ABCA9: variants seen among roughly 807,000 people sequenced by gnomAD.
ABCA9 encodes ATP-binding cassette sub-family A member 9.
ABCA9 carries 183 observed loss-of-function variants against 205.3 expected under a neutral mutation model. The ratio of observed to expected loss-of-function variants is 0.89; its 90% CI spans 0.79 to 1.01. ABCA9 has a LOEUF of 1.01. Among genes scored for constraint, ABCA9 ranks in the 50% least tolerant of loss-of-function variants. ABCA9 has a pLI of 0.00. For missense variants in ABCA9, 1,805 were observed against 1,912.4 expected (o/e 0.94, Z 1.05); for synonymous variants, 651 against 683.3 (o/e 0.95, Z 0.74).
At chr17:69,016,105 T>C (rs1305400308) in intron 22 of ABCA9, 148 bp downstream of exon 22, 1 of 157,126 alleles carries the variant, frequency 6.4e-6, no homozygotes, top group Admixed American at 1.1e-4. Context: ...TGTGTGTGTA[T>C]ATATATATAT....
chr17:69,042,509 A>G (rs2071577968), intron 6 of ABCA9: 1 of 152,224 alleles, frequency 6.6e-6, no homozygotes, highest in Non-Finnish European at 1.5e-5. Flanking sequence ...CTTTTTGCTC[A>G]GTGTCATAAA....
intron 25 of ABCA9, among the ~76,000 whole-genome samples, chr17:69,005,638 C>T (rs536451482): frequency 3.9e-5 from 6 of 152,316 alleles, no homozygotes; most frequent in Admixed American, 2.0e-4. Context: ...ATTTCCACTT[C>T]GGTTTTCTTT....
At position 68,975,918 on chromosome 17, in the gene ABCA9, A is replaced by C; in HGVS notation, c.4872T>G (p.Pro1624=). ...AAGATATAGGGTATTTGGAGCTTTA[A>C]GGCTCTTCCTGCAGGAGGAGTTTCC... The part of the protein sequence containing the change: ...VKWKLLLQEE[P] The change falls in exon 39 of 39, where the codon CCT becomes CCG. Residue 1624 remains proline, a synonymous_variant. Coordinates refer to ENST00000340001, the MANE Select transcript of ABCA9 (RefSeq NM_080283.4). 1 of 1,610,526 alleles carries C rather than the reference A, an allele frequency of 6.2e-7. No individual in the cohort carries two copies. Among genetic ancestry groups the C allele is most frequent in the Non-Finnish European group, 8.5e-7 (1 of 1,177,798 alleles).
chr17:69,035,112 TC>T (rs2071288167), intron 8 of ABCA9, 133 bp downstream of exon 8: 2 of 722,848 alleles, frequency 2.8e-6, no homozygotes, highest in Non-Finnish European at 4.0e-6. Context: ...AAAATTAAAG[TC>T]ACTCCTGTCT....
At chr17:69,016,450 T>TG in intron 21 of ABCA9, 60 bp from the exon 22 acceptor site, 1 of 1,445,358 alleles carries the variant, frequency 6.9e-7, no homozygotes, top group South Asian at 1.5e-5. Flanking sequence ...ATTTAATGAG[T>TG]GAACATGTTA....
chr17:69,049,525 G>A lies in ABCA9; in HGVS notation c.97-35C>T, dbSNP rs573421750. 9.2e-4 allele frequency: 1,399 copies of A among 1,517,972 alleles called. 18 individuals are homozygous for A. The South Asian group carries it at 0.015, about 16-fold the overall frequency. The allele number at this position is 1,517,972 out of a possible 1,614,324, so 94.0% of individuals were successfully genotyped here. Reference sequence around the variant, plus strand: ...AATAAGAGAAAAAGGAAACAAACTGGTAGATGTTATACCACAGATCAATCA... The same window carrying A: ...AATAAGAGAAAAAGGAAACAAACTGATAGATGTTATACCACAGATCAATCA... On this transcript the variant is annotated intron_variant, in intron 2 of 38. Coordinates refer to ENST00000340001, the MANE Select transcript of ABCA9 (RefSeq NM_080283.4).
intron 12 of ABCA9, among the ~76,000 whole-genome samples, 194 bp downstream of exon 12, chr17:69,028,341 A>G (rs999589120): frequency 1.3e-5 from 2 of 151,974 alleles, no homozygotes; most frequent in African/African-American, 2.4e-5. Context: ...TAATTTTTAT[A>G]TTTTTAGTAG....
At chr17:69,039,331 A>G (rs1309883435) in intron 6 of ABCA9, among the ~76,000 whole-genome samples, 1 of 152,214 alleles carries the variant, frequency 6.6e-6, no homozygotes, top group Non-Finnish European at 1.5e-5. Flanking sequence ...AGGCCACAGT[A>G]ACTAAAACAG....
chr17:69,005,480 G>GT (rs1243898318), intron 25 of ABCA9, among the ~76,000 whole-genome samples: 1 of 152,124 alleles, frequency 6.6e-6, no homozygotes, highest in Non-Finnish European at 1.5e-5. Context: ...CCTGTGCTAG[G>GT]ATGTTAACTC....
Position 69,027,464 on chromosome 17 carries a change from A to C in ABCA9, c.1792-15T>G, listed in dbSNP as rs1433705517. 5 of 1,597,992 alleles carry C rather than the reference A, an allele frequency of 3.1e-6. No individual in the cohort carries two copies. Among genetic ancestry groups the C allele is most frequent in the Non-Finnish European group, 4.3e-6 (5 of 1,174,802 alleles). On this transcript the variant is annotated splice_polypyrimidine_tract_variant and intron_variant, in intron 13 of 38. Coordinates refer to ENST00000340001, the MANE Select transcript of ABCA9 (RefSeq NM_080283.4). ...ACTCGTTGTACCTAATCAAATAAAG[A>C]ATATTTAGTCCAAAACCCAGAAAGT...
intron 1 of ABCA9, among the ~76,000 whole-genome samples, chr17:69,059,210 T>C (rs1179119183): frequency 6.6e-6 from 1 of 152,126 alleles, no homozygotes; most frequent in East Asian, 1.9e-4. Flanking sequence ...AGAAATGTGA[T>C]TGGCAGAATA....
At chr17:69,046,912 T>TATAG in intron 3 of ABCA9, among the ~76,000 whole-genome samples, 1 of 121,724 alleles carries the variant, frequency 8.2e-6, no homozygotes, top group South Asian at 2.7e-4. Context: ...TATATATATA[T>TATAG]AAAATTTTAT....
intron 25 of ABCA9, among the ~76,000 whole-genome samples, chr17:69,005,910 T>C (rs985416832): frequency 1.3e-5 from 2 of 152,222 alleles, no homozygotes; most frequent in Non-Finnish European, 2.9e-5. Flanking sequence ...TTTGTCAACA[T>C]ATTTCTTTCC....
intron 6 of ABCA9, among the ~76,000 whole-genome samples, chr17:69,036,071 G>A (rs76106527): frequency 6.6e-6 from 1 of 152,182 alleles, no homozygotes; most frequent in Admixed American, 6.6e-5. Context: ...TCCAGAGAGA[G>A]CTTTTCTGGG....
chr17:68,978,356 G>A (rs1421359661), intron 37 of ABCA9, among the ~76,000 whole-genome samples: 1 of 152,046 alleles, frequency 6.6e-6, no homozygotes, highest in Non-Finnish European at 1.5e-5. Flanking sequence ...TTGAGCCTAT[G>A]TGTGTCTCTG....
intron 20 of ABCA9, 112 bp downstream of exon 20, chr17:69,018,301 T>A (rs1264759488): frequency 1.0e-6 from 1 of 984,704 alleles, no homozygotes; most frequent in Non-Finnish European, 1.4e-6. Context: ...TGGCCTCATA[T>A]ATGCTTTCTA....
chr17:69,019,924 C>G (rs994880482), intron 19 of ABCA9: 8 of 153,590 alleles, frequency 5.2e-5, no homozygotes, highest in Non-Finnish European at 8.7e-5. Context: ...ACCCAAGTTT[C>G]CAGCCTGGTG....
At position 69,033,891 on chromosome 17, in the gene ABCA9, A is replaced by G. The variant is rs1213648093; in HGVS notation, c.1129-18T>C. On this transcript the variant is annotated intron_variant, in intron 8 of 38. Coordinates refer to ENST00000340001, the MANE Select transcript of ABCA9 (RefSeq NM_080283.4). ...TGTATAAGCTGAAAAAGAAAGATAC[A>G]GTGAATTTTAAAAGAATTAATATGG... The G allele has an allele frequency of 6.4e-7, 1 of 1,554,904 alleles. No homozygotes were observed. The highest frequency in any genetic ancestry group is 1.2e-5 in the South Asian group (1 of 84,586).
Position 69,043,569 on chromosome 17 carries a change from A to G in ABCA9, c.720T>C (p.Tyr240=). The part of the protein sequence containing the change: ...CIISFSTFIY[Y]VSVNVTQERQ... ...TTTCTTGTGTAACATTGACTGATAC[A>G]TAGTATATAAATGTAGAAAAAGAAA... Residue 240 remains tyrosine (Y), a synonymous_variant, in exon 6 of 39, where the codon TAT becomes TAC. Coordinates refer to ENST00000340001, the MANE Select transcript of ABCA9 (RefSeq NM_080283.4). 1 of 1,612,342 alleles carries G rather than the reference A, an allele frequency of 6.2e-7. No individual in the cohort carries two copies.
Sources: gnomAD v4.1 joint callset for allele counts (sites outside exome capture counted in the v4.1 genomes callset) on GRCh38, gnomAD v4.1.1 for gene constraint, MANE v1.5 for transcripts, NCBI Gene and HGNC (gene_info 2026-07-23, HGNC 2026-07-21) for gene names.